The following PRKN variants were observed in gnomAD, a reference collection of about 807,000 sequenced individuals.
The protein encoded by PRKN is parkin RBR E3 ubiquitin protein ligase.
A neutral mutation model predicts 59.5 loss-of-function variants in PRKN; 56 were observed. The ratio of observed to expected loss-of-function variants is 0.94; its 90% CI spans 0.76 to 1.18. The LOEUF is 1.18. PRKN is among the 50% of genes most tolerant of loss of function. The pLI is 0.00. For synonymous variants in PRKN, 250 were observed against 222.1 expected (o/e 1.13, Z -1.12); for missense variants, 657 against 596.4 (o/e 1.10, Z -1.06).
In PRKN at chr6:161,513,624, G is replaced by A. The variant is rs1421812686; in HGVS notation, c.1083+35230C>T. ...GTGGGCAAGGAGGTAAACAAACTGAGCCACTACATGAAGGAACCCGAAGTT... is the reference window on the plus strand; with the variant it reads ...GTGGGCAAGGAGGTAAACAAACTGAACCACTACATGAAGGAACCCGAAGTT... On this transcript the variant is annotated intron_variant, in intron 9 of 11. Transcript: ENST00000366898. 1.3e-5 allele frequency among the ~76,000 whole-genome samples: 2 copies of A among 151,526 alleles called. 1 individual carries two copies. Among genetic ancestry groups the A allele is most frequent in the African/African-American group, 4.9e-5 (2 of 41,166 alleles).
chr6:161,382,611 C>T lies in PRKN; in HGVS notation c.1167+4183G>A, dbSNP rs1439149447. Among the ~76,000 whole-genome samples, 7 of 152,204 alleles carry T rather than the reference C, an allele frequency of 4.6e-5. No homozygotes were observed. The South Asian group carries it at 8.3e-4, about 18-fold the overall frequency. On this transcript the variant is annotated intron_variant, in intron 10 of 11. Coordinates refer to ENST00000366898, the MANE Select transcript of PRKN (RefSeq NM_004562.3). The stretch of plus-strand genomic sequence containing the variant: ...GCAATACGCGGAAGGAACTGGAACA[C>T]GGGGAGGAGAACAAGCAGGGAAAAA...
At chr6:162,241,249 C>T (rs550990615) in intron 3 of PRKN, among the ~76,000 whole-genome samples, 10 of 152,170 alleles carry the variant, frequency 6.6e-5, no homozygotes, top group Non-Finnish European at 1.0e-4. Flanking sequence ...AGGTTTTCTA[C>T]ATTATTTAGA....
intron 2 of PRKN, among the ~76,000 whole-genome samples, chr6:162,315,990 G>C (rs1390234582): frequency 6.6e-6 from 1 of 152,108 alleles, no homozygotes; most frequent in Non-Finnish European, 1.5e-5. Context: ...CCATCAGGCA[G>C]CTAACAAAGA....
chr6:162,532,792 A>G (rs1466691651), intron 1 of PRKN, among the ~76,000 whole-genome samples: 1 of 152,238 alleles, frequency 6.6e-6, no homozygotes, highest in Non-Finnish European at 1.5e-5. Flanking sequence ...CAAGGAACAA[A>G]GGAAATAGCT....
chr6:162,662,690 C>T (rs1233522913), intron 1 of PRKN, among the ~76,000 whole-genome samples: 3 of 152,130 alleles, frequency 2.0e-5, no homozygotes, highest in Non-Finnish European at 4.4e-5. Context: ...GTCCTTTCTC[C>T]AATGTATATC....
At chr6:161,559,049 T>TA (rs3032921) in intron 8 of PRKN, among the ~76,000 whole-genome samples, 14,846 of 117,180 alleles carry the variant, frequency 0.13, 1,616 homozygotes, top group African/African-American at 0.3. Flanking sequence ...AAACAAGACC[T>TA]AAAAAAAAAA....
At chr6:161,365,034 G>GA (rs1233805545) in intron 10 of PRKN, among the ~76,000 whole-genome samples, 14 of 152,102 alleles carry the variant, frequency 9.2e-5, no homozygotes, top group African/African-American at 3.4e-4. Flanking sequence ...CAGGCAGAGG[G>GA]TCCTTAGATT....
At position 161,720,000 on chromosome 6, in the gene PRKN, C is replaced by T. The variant is rs149884757; in HGVS notation, c.871+65772G>A. Among the ~76,000 whole-genome samples, 796 of 152,308 alleles carry T rather than the reference C, an allele frequency of 5.2e-3. 4 individuals are homozygous for T. Among genetic ancestry groups the T allele is most frequent in the African/African-American group, 0.017 (726 of 41,570 alleles). On this transcript the variant is annotated intron_variant, in intron 7 of 11. Coordinates refer to ENST00000366898, the MANE Select transcript of PRKN (RefSeq NM_004562.3). ...TTCTCGTGTAACTCCAGTTTTGCCT[C>T]CCCGTTTGCACTATGCTCCAGTTTT...
At chr6:161,817,541 T>G (rs898486494) in intron 6 of PRKN, among the ~76,000 whole-genome samples, 40 of 152,358 alleles carry the variant, frequency 2.6e-4, no homozygotes, top group African/African-American at 8.7e-4. Flanking sequence ...GATACTTTTG[T>G]TACTGTGTTT....
At chr6:162,524,722 G>T (rs1778212975) in intron 1 of PRKN, among the ~76,000 whole-genome samples, 2 of 152,104 alleles carry the variant, frequency 1.3e-5, no homozygotes, top group Admixed American at 1.3e-4. Context: ...CTAGTTTGAG[G>T]TAAGTTTGCA....
rs1266719312 is a variant in PRKN, at chr6:161,874,273, ATATATAT to A, written c.735-88372_735-88366del. 3.3e-4 allele frequency among the ~76,000 whole-genome samples: 9 copies of A among 27,492 alleles called. 2 individuals are homozygous for A. The highest frequency in any genetic ancestry group is 2.6e-4 in the African/African-American group (2 of 7,552). The allele number at this position is 27,492 out of a possible 152,430, so 18.0% of individuals were successfully genotyped here. ...ATATATATTATATGTAAAATATATAATATATATTATATATTATATATTACATGTAAAA... is the reference window on the plus strand; with the variant it reads ...ATATATATTATATGTAAAATATATAATATATATTATATATTACATGTAAAA... On this transcript the variant is annotated intron_variant, in intron 6 of 11. Transcript: ENST00000366898.
At chr6:162,594,503 T>A (rs1182130131) in intron 1 of PRKN, among the ~76,000 whole-genome samples, 6 of 152,214 alleles carry the variant, frequency 3.9e-5, no homozygotes, top group Admixed American at 3.9e-4. Context: ...TATTGGATTT[T>A]ATTGTAATAT....
chr6:161,944,291 G>A (rs1384787364), intron 6 of PRKN, among the ~76,000 whole-genome samples: 1 of 152,220 alleles, frequency 6.6e-6, no homozygotes, highest in African/African-American at 2.4e-5. Flanking sequence ...CTTAAGGAAT[G>A]TGATAGCTTG....
intron 1 of PRKN, among the ~76,000 whole-genome samples, chr6:162,714,595 G>C (rs1470076951): frequency 6.6e-6 from 1 of 152,048 alleles, no homozygotes; most frequent in East Asian, 1.9e-4. Context: ...GAAATGATTG[G>C]ATCAAGAAAA....
chr6:162,009,961 AT>A (rs1782423126), intron 5 of PRKN, among the ~76,000 whole-genome samples: 1 of 151,590 alleles, frequency 6.6e-6, no homozygotes, highest in African/African-American at 2.4e-5. Flanking sequence ...CTTCTGGTTC[AT>A]AACTAGGTGT....
chr6:161,476,829 C>G (rs926755704), intron 9 of PRKN, among the ~76,000 whole-genome samples: 2 of 152,218 alleles, frequency 1.3e-5, no homozygotes, highest in Non-Finnish European at 2.9e-5. Context: ...GCTTTGCTGT[C>G]TCGCATCCTC....
intron 6 of PRKN, among the ~76,000 whole-genome samples, chr6:161,895,006 T>C (rs1777559011): frequency 6.6e-6 from 1 of 152,244 alleles, no homozygotes; most frequent in Non-Finnish European, 1.5e-5. Context: ...CACTCTGTTA[T>C]AACAATATTT....
intron 7 of PRKN, chr6:161,715,990 C>G (rs1786958726): frequency 6.0e-6 from 4 of 665,768 alleles, no homozygotes; most frequent in Non-Finnish European, 9.7e-6. Flanking sequence ...GGGTGGGGCC[C>G]TGTGATCTAT....
intron 1 of PRKN, among the ~76,000 whole-genome samples, chr6:162,579,416 G>GCACACACA (rs35480393): frequency 6.7e-6 from 1 of 149,982 alleles, no homozygotes; most frequent in Non-Finnish European, 1.5e-5. Context: ...ACAAGTTCAT[G>GCACACACA]CACACACACA....
Sources: gnomAD v4.1 joint callset for allele counts (sites outside exome capture counted in the v4.1 genomes callset) on GRCh38, gnomAD v4.1.1 for gene constraint, MANE v1.5 for transcripts, NCBI Gene and HGNC (gene_info 2026-07-23, HGNC 2026-07-21) for gene names.